The following LINC01488 variants were observed in gnomAD, a reference collection of about 807,000 sequenced individuals.
LINC01488 encodes CCND1-upstream intergenic DNA repair 1.
chr11:69,492,092 T>C (rs1857231904), intron 3 of LINC01488: 1 of 152,208 alleles, frequency 6.6e-6, no homozygotes, highest in African/African-American at 2.4e-5. Flanking sequence ...TGGTCTCACA[T>C]TTTCCCAGGA....
At chr11:69,491,753 C>G (rs1450646799) in intron 3 of LINC01488, 6 of 152,468 alleles carry the variant, frequency 3.9e-5, no homozygotes, top group African/African-American at 1.4e-4. Flanking sequence ...GCAAACTCAG[C>G]AGGCAGAACC....
At chr11:69,489,201 G>A (rs988967506) in intron 1 of LINC01488, among the ~76,000 whole-genome samples, 2 of 152,048 alleles carry the variant, frequency 1.3e-5, no homozygotes, top group Non-Finnish European at 2.9e-5. Flanking sequence ...AGACCACACC[G>A]AGACCCCAGA....
chr11:69,481,706 A>T (rs1857049768), exon 1 of LINC01488: 1 of 152,366 alleles, frequency 6.6e-6, no homozygotes, highest in African/African-American at 2.4e-5. Flanking sequence ...AGAGTGGCTC[A>T]CAGAGAGGAC....
intron 1 of LINC01488, among the ~76,000 whole-genome samples, chr11:69,486,723 C>A (rs1274194920): frequency 6.6e-6 from 1 of 152,172 alleles, no homozygotes; most frequent in Non-Finnish European, 1.5e-5. Context: ...TCCAGGAAGG[C>A]CCAGCCCATC....
exon 1 of LINC01488, chr11:69,481,705 C>T (rs1857049722): frequency 6.6e-6 from 1 of 152,358 alleles, no homozygotes; most frequent in Non-Finnish European, 1.5e-5. Context: ...CAGAGTGGCT[C>T]ACAGAGAGGA....
chr11:69,484,239 A>G (rs1374222043), intron 1 of LINC01488, among the ~76,000 whole-genome samples: 2 of 152,182 alleles, frequency 1.3e-5, no homozygotes, highest in Non-Finnish European at 2.9e-5. Context: ...GCCTCCAGAC[A>G]GGAGGTCATG....
At chr11:69,483,697 G>A (rs1261330836) in intron 1 of LINC01488, among the ~76,000 whole-genome samples, 3 of 152,310 alleles carry the variant, frequency 2.0e-5, no homozygotes, top group South Asian at 4.1e-4. Flanking sequence ...AGCCCCAGCC[G>A]CACCCCATTT....
chr11:69,482,212 T>C (rs1344785215), intron 1 of LINC01488, among the ~76,000 whole-genome samples: 1 of 152,138 alleles, frequency 6.6e-6, no homozygotes, highest in Non-Finnish European at 1.5e-5. Context: ...CAAGAGAGCA[T>C]GTGCAGGGGA....
intron 1 of LINC01488, among the ~76,000 whole-genome samples, chr11:69,488,514 C>T (rs1312202004): frequency 1.3e-5 from 2 of 152,358 alleles, no homozygotes; most frequent in Admixed American, 6.5e-5. Flanking sequence ...GCCTCTCCCA[C>T]GGCAACAGGA....
intron 1 of LINC01488, among the ~76,000 whole-genome samples, chr11:69,489,987 C>A (rs2134975129): frequency 6.6e-6 from 1 of 152,342 alleles, no homozygotes; most frequent in East Asian, 1.9e-4. Flanking sequence ...TCAGCTCCTG[C>A]ACCCTGGAGT....
chr11:69,486,052 G>A (rs1230704941), intron 1 of LINC01488: 1 of 152,302 alleles, frequency 6.6e-6, no homozygotes, highest in Non-Finnish European at 1.5e-5. Context: ...AGGCAGGACA[G>A]CGATGTCTTC....
chr11:69,481,952 T>C (rs1289652091), intron 1 of LINC01488, among the ~76,000 whole-genome samples: 2 of 151,456 alleles, frequency 1.3e-5, no homozygotes, highest in Admixed American at 1.3e-4. Context: ...GATGAGTAGA[T>C]GGATGGATGG....
At chr11:69,482,200 G>A (rs1448126872) in intron 1 of LINC01488, among the ~76,000 whole-genome samples, 1 of 152,210 alleles carries the variant, frequency 6.6e-6, no homozygotes, top group Non-Finnish European at 1.5e-5. Context: ...CATGGAGGCA[G>A]GCAAGAGAGC....
intron 1 of LINC01488, among the ~76,000 whole-genome samples, chr11:69,483,505 G>T (rs770402892): frequency 7.9e-5 from 12 of 152,206 alleles, no homozygotes; most frequent in Non-Finnish European, 1.6e-4. Context: ...GCAAGCACTA[G>T]GTCAGTGTTT....
chr11:69,481,852 T>C (rs560868221), intron 1 of LINC01488: 8 of 152,302 alleles, frequency 5.3e-5, no homozygotes, highest in African/African-American at 1.7e-4. Flanking sequence ...AATGGATGGA[T>C]GGATGGATGG....
intron 1 of LINC01488, among the ~76,000 whole-genome samples, chr11:69,487,467 A>G (rs1857143120): frequency 6.6e-6 from 1 of 152,172 alleles, no homozygotes; most frequent in South Asian, 2.1e-4. Context: ...GGTCCTCACA[A>G]GGCAGGGCCT....
At chr11:69,490,882 G>C (rs952299934) in intron 2 of LINC01488, 4 of 152,250 alleles carry the variant, frequency 2.6e-5, no homozygotes, top group Non-Finnish European at 5.9e-5. Flanking sequence ...CTCAGAGCAA[G>C]GGCCTGCCCC....
chr11:69,484,736 G>A (rs2134966507), intron 1 of LINC01488, among the ~76,000 whole-genome samples: 1 of 152,356 alleles, frequency 6.6e-6, no homozygotes, highest in East Asian at 1.9e-4. Context: ...TCAGCGATGG[G>A]TGGCCGTGGG....
chr11:69,490,742 C>G (rs549132209), intron 2 of LINC01488: 3 of 152,236 alleles, frequency 2.0e-5, no homozygotes, highest in Non-Finnish European at 4.4e-5. Context: ...TGGTGGGAGT[C>G]GCTGGTCCCC....
Sources: gnomAD v4.1 joint callset for allele counts (sites outside exome capture counted in the v4.1 genomes callset) on GRCh38, gnomAD v4.1.1 for gene constraint, MANE v1.5 for transcripts, NCBI Gene and HGNC (gene_info 2026-07-23, HGNC 2026-07-21) for gene names.